The following ADIPOR2 variants were observed in gnomAD, a reference collection of about 807,000 sequenced individuals.
ADIPOR2 encodes the protein adiponectin receptor 2.
A neutral mutation model predicts 40.9 loss-of-function variants in ADIPOR2; 18 were observed. That is an observed-to-expected ratio of 0.44 (90% CI 0.30 to 0.65). The LOEUF (loss-of-function observed/expected upper bound fraction) is 0.65. Among genes scored for constraint, ADIPOR2 ranks in the 30% least tolerant of loss-of-function variants. The probability of loss-of-function intolerance (pLI) is 0.09; values close to 1 mark genes in which losing one functional copy is unlikely to be tolerated. For synonymous variants in ADIPOR2, 165 were observed against 166.4 expected (o/e 0.99, Z 0.06); for missense variants, 283 against 479.2 (o/e 0.59, Z 3.82).
intron 4 of ADIPOR2, among the ~76,000 whole-genome samples, chr12:1,779,359 T>TA (rs1862667309): frequency 6.6e-6 from 1 of 152,224 alleles, no homozygotes; most frequent in Non-Finnish European, 1.5e-5. Context: ...GAAGCACTGA[T>TA]ACATGCCACA....
chr12:1,779,059 A>C (rs568612114), intron 4 of ADIPOR2, among the ~76,000 whole-genome samples: 6 of 152,316 alleles, frequency 3.9e-5, no homozygotes, highest in African/African-American at 1.2e-4. Flanking sequence ...GATGTGGGGA[A>C]ATTGGAACTT....
At chr12:1,757,849 G>A (rs1862174640) in intron 2 of ADIPOR2, 3 of 830,658 alleles carry the variant, frequency 3.6e-6, no homozygotes, top group Non-Finnish European at 4.3e-6. Flanking sequence ...TCTCCTGTCA[G>A]GGCTTACTTA....
At chr12:1,762,923 C>T (rs981852392) in intron 2 of ADIPOR2, among the ~76,000 whole-genome samples, 4 of 151,998 alleles carry the variant, frequency 2.6e-5, no homozygotes, top group Non-Finnish European at 5.9e-5. Context: ...GGTTATTTGC[C>T]TTTAATACAT....
chr12:1,709,782 G>A (rs956398402), intron 1 of ADIPOR2, among the ~76,000 whole-genome samples: 3 of 152,178 alleles, frequency 2.0e-5, no homozygotes, highest in Non-Finnish European at 4.4e-5. Flanking sequence ...TGCTTGAGTA[G>A]TATGATTAAA....
At chr12:1,708,590 A>G (rs1326106601) in intron 1 of ADIPOR2, among the ~76,000 whole-genome samples, 2 of 152,148 alleles carry the variant, frequency 1.3e-5, no homozygotes, top group East Asian at 3.8e-4. Context: ...TCCCATATGA[A>G]TATCCAGTTG....
chr12:1,778,800 C>A (rs1862653766), intron 4 of ADIPOR2, among the ~76,000 whole-genome samples: 1 of 152,132 alleles, frequency 6.6e-6, no homozygotes, highest in African/African-American at 2.4e-5. Flanking sequence ...TGGTAAGGAT[C>A]TAATAAATAA....
intron 1 of ADIPOR2, among the ~76,000 whole-genome samples, chr12:1,723,424 A>C (rs1443684386): frequency 6.8e-6 from 1 of 148,096 alleles, no homozygotes; most frequent in Non-Finnish European, 1.5e-5. Context: ...GAGGTCAGGA[A>C]TTGGAGCCTG....
At chr12:1,727,800 C>T (rs538563989) in intron 1 of ADIPOR2, among the ~76,000 whole-genome samples, 213 of 151,528 alleles carry the variant, frequency 1.4e-3, no homozygotes, top group Admixed American at 4.5e-3. Context: ...CCAACATCTT[C>T]GGGGAGCGGT....
At chr12:1,741,160 TG>T (rs1401629282) in intron 1 of ADIPOR2, among the ~76,000 whole-genome samples, 7 of 152,204 alleles carry the variant, frequency 4.6e-5, no homozygotes, top group Non-Finnish European at 8.8e-5. Flanking sequence ...GGCTTCCTTT[TG>T]CACAAGGAAT....
At chr12:1,710,515 G>A (rs2094674225) in intron 1 of ADIPOR2, among the ~76,000 whole-genome samples, 1 of 152,038 alleles carries the variant, frequency 6.6e-6, no homozygotes, top group East Asian at 1.9e-4. Flanking sequence ...CTAAACACCA[G>A]GGCACCTGTC....
At chr12:1,763,051 C>T (rs910353293) in intron 2 of ADIPOR2, among the ~76,000 whole-genome samples, 5 of 152,164 alleles carry the variant, frequency 3.3e-5, no homozygotes, top group Non-Finnish European at 5.9e-5. Flanking sequence ...AATAAAATAC[C>T]TGTGTGTACA....
Position 1,786,053 on chromosome 12 carries a change from G to C in ADIPOR2, c.1142G>C (p.Ser381Thr). The change falls in exon 8 of 8, where the codon AGT (serine) becomes ACT (threonine). Residue 381 changes from serine (S) to threonine (T), a missense_variant. Around this residue, in one of 3 missense-constraint regions of ADIPOR2, gnomAD observed 106 missense variants for 149.7 expected, o/e 0.71. Coordinates refer to ENST00000357103, the MANE Select transcript of ADIPOR2 (RefSeq NM_024551.3). ...CGTTTCATGATCGGCGGGGGCTGCA[G>C]TGAAGAGGATGCACTGTGATACCTA... ...EFRFMIGGGC[S>T]EEDAL 2.5e-6 allele frequency: 4 copies of C among 1,614,040 alleles called. No individual in the cohort carries two copies. The highest frequency in any genetic ancestry group is 3.4e-6 in the Non-Finnish European group (4 of 1,180,010).
chr12:1,737,950 C>T (rs1269661274), intron 1 of ADIPOR2, among the ~76,000 whole-genome samples: 3 of 152,068 alleles, frequency 2.0e-5, no homozygotes, highest in Non-Finnish European at 4.4e-5. Context: ...GTATGAAGGT[C>T]CCTTTTTTTG....
chr12:1,730,346 G>A (rs2094717292), intron 1 of ADIPOR2, among the ~76,000 whole-genome samples: 1 of 151,716 alleles, frequency 6.6e-6, no homozygotes, highest in South Asian at 2.1e-4. Context: ...GGCCGGGCGC[G>A]GTGGCTCACA....
intron 1 of ADIPOR2, among the ~76,000 whole-genome samples, chr12:1,753,788 C>T (rs962185636): frequency 2.0e-5 from 3 of 152,000 alleles, no homozygotes; most frequent in Non-Finnish European, 4.4e-5. Flanking sequence ...TATAAACTTA[C>T]ATATATTCTT....
At chr12:1,764,100 T>G (rs371396517) in intron 2 of ADIPOR2, among the ~76,000 whole-genome samples, 11 of 152,346 alleles carry the variant, frequency 7.2e-5, no homozygotes, top group African/African-American at 2.4e-4. Context: ...GCCAGATGTG[T>G]GACTTTGGCC....
intron 1 of ADIPOR2, among the ~76,000 whole-genome samples, chr12:1,692,180 A>G (rs2094628527): frequency 6.6e-6 from 1 of 151,952 alleles, no homozygotes; most frequent in African/African-American, 2.4e-5. Context: ...TGATCACAGA[A>G]CTTTTCCAAA....
chr12:1,772,128 A>C lies in ADIPOR2; in HGVS notation c.172-714A>C, dbSNP rs141888365. ...GGAGGCAGAAATTTTAATTTTAGTA[A>C]TTTATCTCTTTAGACCATACCAGAT... On this transcript the variant is annotated intron_variant, in intron 2 of 7. Coordinates refer to ENST00000357103, the MANE Select transcript of ADIPOR2 (RefSeq NM_024551.3). Among the ~76,000 whole-genome samples the C allele has an allele frequency of 3.3e-5, 5 of 152,268 alleles. No individual in the cohort carries two copies. The East Asian group carries it at 7.7e-4, about 24-fold the overall frequency.
chr12:1,716,453 A>C (rs780471701), intron 1 of ADIPOR2, among the ~76,000 whole-genome samples: 12 of 152,220 alleles, frequency 7.9e-5, no homozygotes, highest in Admixed American at 1.3e-4. Flanking sequence ...AAGAGATGAT[A>C]ATGTTTGGAT....
Sources: gnomAD v4.1 joint callset for allele counts (sites outside exome capture counted in the v4.1 genomes callset) on GRCh38, gnomAD v4.1.1 for gene constraint, gnomAD v4.1.1 regional missense constraint, MANE v1.5 for transcripts, NCBI Gene and HGNC (gene_info 2026-07-23, HGNC 2026-07-21) for gene names.